Variants in UGT1A9 observed in about 807,000 individuals in gnomAD.
The protein encoded by UGT1A9 is UDP glucuronosyltransferase family 1 member A9, also known as UDP-glucuronosyltransferase 1A9.
A neutral mutation model predicts 45.0 loss-of-function variants in UGT1A9; 35 were observed. The ratio of observed to expected loss-of-function variants is 0.78; its 90% confidence interval spans 0.59 to 1.03. UGT1A9 has a LOEUF of 1.03. UGT1A9 is among the 50% of genes least tolerant of loss of function. The probability of loss-of-function intolerance (pLI) is 0.00; values close to 1 mark genes in which losing one functional copy is unlikely to be tolerated. For missense variants in UGT1A9, 687 were observed against 666.6 expected, an observed-to-expected ratio of 1.03 and a Z score of -0.34; for synonymous variants, 278 against 250.6, an observed-to-expected ratio of 1.11 and a Z score of -1.03.
At chr2:233,686,680 T>C (rs965383160) in intron 1 of UGT1A9, among the ~76,000 whole-genome samples, 37 of 152,208 alleles carry the variant, frequency 2.4e-4, no homozygotes, top group African/African-American at 8.9e-4. Context: ...ACTCAGGATA[T>C]TCTGGTGGTG....
rs1156801962 is a variant in UGT1A9, at chr2:233,725,048, G to A, written c.856-41986G>A. Among the ~76,000 whole-genome samples the A allele has an allele frequency of 5.4e-5, 8 of 147,904 alleles. 1 individual carries two copies. The highest frequency in any genetic ancestry group is 1.5e-4 in the African/African-American group (6 of 39,674). Reference sequence around the variant, plus strand: ...CGGTCTCCACCAAAACCAGTCAGGCGTGGCGGCGCGCGCCTGCAATCGCAG... The same window carrying A: ...CGGTCTCCACCAAAACCAGTCAGGCATGGCGGCGCGCGCCTGCAATCGCAG... On this transcript the variant is annotated intron_variant, in intron 1 of 4. Transcript: ENST00000354728.
chr2:233,731,513 C>G (rs972587345), intron 1 of UGT1A9, among the ~76,000 whole-genome samples: 4 of 152,148 alleles, frequency 2.6e-5, no homozygotes, highest in Admixed American at 1.3e-4. Context: ...CAGTTCCCAC[C>G]TATGAGTGAG....
At chr2:233,760,319 T>C (rs201984525) in intron 1 of UGT1A9, 2 of 1,614,040 alleles carry the variant, frequency 1.2e-6, no homozygotes, top group Non-Finnish European at 1.7e-6. Context: ...GGACGCCCAC[T>C]TGTCCTGGGC....
intron 1 of UGT1A9, chr2:233,719,600 C>T (rs1250192329): frequency 1.2e-6 from 2 of 1,614,004 alleles, no homozygotes; most frequent in South Asian, 2.2e-5. Context: ...TCCGAGGGGA[C>T]TTTGTGATGG....
In UGT1A9 at chr2:233,725,322, G is replaced by C. The variant is rs1180235241; in HGVS notation, c.856-41712G>C. Among the ~76,000 whole-genome samples the C allele has an allele frequency of 1.9e-5, 2 of 103,758 alleles. 1 individual carries two copies. Among genetic ancestry groups the C allele is most frequent in the Non-Finnish European group, 4.1e-5 (2 of 49,016 alleles). 68.1% of individuals were successfully genotyped at this position (103,758 alleles called of 152,430 possible). On this transcript the variant is annotated intron_variant, in intron 1 of 4. Transcript: ENST00000354728. Reference sequence around the variant, plus strand: ...GGCAGAGGCAGAGGCAGAGGCGCCTGGTCAACAATCTTAAGTCCAATAAGA... The same window carrying C: ...GGCAGAGGCAGAGGCAGAGGCGCCTCGTCAACAATCTTAAGTCCAATAAGA...
At chr2:233,675,105 G>A (rs1005583841) in intron 1 of UGT1A9, among the ~76,000 whole-genome samples, 1 of 152,044 alleles carries the variant, frequency 6.6e-6, no homozygotes, top group Non-Finnish European at 1.5e-5. Flanking sequence ...GGATTTTCTT[G>A]AAGGTCTCCT....
chr2:233,682,664 G>A, intron 1 of UGT1A9: 2 of 1,613,842 alleles, frequency 1.2e-6, no homozygotes, highest in Non-Finnish European at 1.7e-6. Context: ...CACGGCATAT[G>A]ATCTCTACAG....
intron 1 of UGT1A9, among the ~76,000 whole-genome samples, chr2:233,711,406 G>T (rs931347062): frequency 6.6e-6 from 1 of 152,222 alleles, no homozygotes; most frequent in Non-Finnish European, 1.5e-5. Flanking sequence ...CCTCACCCCG[G>T]GCTCATCAGG....
chr2:233,718,517 T>G (rs2076659127), intron 1 of UGT1A9, among the ~76,000 whole-genome samples: 2 of 152,204 alleles, frequency 1.3e-5, no homozygotes, highest in African/African-American at 2.4e-5. Context: ...ATGAAATGGG[T>G]GTCCACAGCC....
chr2:233,700,505 G>C (rs2075568834), intron 1 of UGT1A9, among the ~76,000 whole-genome samples: 1 of 152,100 alleles, frequency 6.6e-6, no homozygotes, highest in Non-Finnish European at 1.5e-5. Flanking sequence ...CTAGAAACTT[G>C]ACTGTCTAGT....
At chr2:233,762,959 A>G (rs910713716) in intron 1 of UGT1A9, among the ~76,000 whole-genome samples, 4 of 152,252 alleles carry the variant, frequency 2.6e-5, no homozygotes, top group African/African-American at 9.6e-5. Flanking sequence ...GCAATAGGAA[A>G]GATGCCCGTC....
chr2:233,772,094 C>G (rs995748491), intron 4 of UGT1A9, among the ~76,000 whole-genome samples, 168 bp from the exon 5 acceptor site: 7 of 152,164 alleles, frequency 4.6e-5, no homozygotes, highest in Admixed American at 3.9e-4. Context: ...GCCCGGGCAA[C>G]AGGGCAAGAC....
At chr2:233,691,213 A>C in intron 1 of UGT1A9, 1 of 985,584 alleles carries the variant, frequency 1.0e-6, no homozygotes, top group Non-Finnish European at 1.2e-6. Context: ...TTCCCTTTGC[A>C]ACCTTCCTGG....
intron 1 of UGT1A9, among the ~76,000 whole-genome samples, chr2:233,679,387 C>T (rs1468973409): frequency 3.3e-5 from 5 of 152,210 alleles, no homozygotes; most frequent in African/African-American, 1.2e-4. Flanking sequence ...TTGATCTTTT[C>T]CTTTCAAGGC....
At chr2:233,682,471 A>G (rs201980156) in intron 1 of UGT1A9, 1 of 1,613,916 alleles carries the variant, frequency 6.2e-7, no homozygotes, top group East Asian at 2.2e-5. Flanking sequence ...ACTATCTTGA[A>G]GAAGGTGCAC....
intron 1 of UGT1A9, among the ~76,000 whole-genome samples, chr2:233,744,256 G>A (rs1276151413): frequency 2.0e-5 from 3 of 151,770 alleles, no homozygotes; most frequent in Admixed American, 1.3e-4. Context: ...CTGAAGAACT[G>A]TTTTTCTTAA....
rs34028775 is a variant in UGT1A9 at position 233,762,751 on chromosome 2, A to AT, written c.856-4276dup. Among the ~76,000 whole-genome samples the AT allele has an allele frequency of 1.5e-3, 214 of 146,458 alleles. 1 individual carries two copies. Among genetic ancestry groups the AT allele is most frequent in the African/African-American group, 5.0e-3 (200 of 39,700 alleles). ...TTTTGGTCACTACTGTGAATGTGTT[A>AT]TTTTTTTGCATTTCTATCTCTAGCT... On this transcript the variant is annotated intron_variant, in intron 1 of 4. Coordinates refer to ENST00000354728, the MANE Select transcript of UGT1A9 (RefSeq NM_021027.3).
intron 1 of UGT1A9, among the ~76,000 whole-genome samples, chr2:233,687,061 C>G (rs2074821200): frequency 6.6e-6 from 1 of 152,144 alleles, no homozygotes; most frequent in Non-Finnish European, 1.5e-5. Flanking sequence ...CTGGAGTCCT[C>G]CAAGCCTGAT....
intron 1 of UGT1A9, among the ~76,000 whole-genome samples, chr2:233,680,286 C>A (rs375139076): frequency 6.6e-6 from 1 of 152,112 alleles, no homozygotes; most frequent in East Asian, 1.9e-4. Context: ...CATAAGAGAT[C>A]ATTTTTTACT....
Sources: allele counts gnomAD v4.1 joint callset (sites outside exome capture counted in the v4.1 genomes callset), GRCh38; gene constraint gnomAD v4.1.1; transcripts MANE v1.5; gene names NCBI Gene and HGNC (gene_info 2026-07-23, HGNC 2026-07-21).